Variants in EMC3 observed in about 807,000 individuals in gnomAD.
EMC3 encodes ER membrane protein complex subunit 3.
In EMC3, 13 loss-of-function variants were observed where a neutral mutation model predicts 36.6. The observed-to-expected ratio is 0.35, with a 90% CI of 0.23 to 0.56. The LOEUF (loss-of-function observed/expected upper bound fraction) is 0.56. Among genes scored for constraint, EMC3 ranks in the 20% least tolerant of loss-of-function variants. The pLI, the probability that EMC3 is intolerant of heterozygous loss-of-function variation, is 0.84. For missense variants in EMC3, 220 were observed against 324.5 expected, an observed-to-expected ratio of 0.68 and a Z score of 2.47; for synonymous variants, 120 against 111.9, an observed-to-expected ratio of 1.07 and a Z score of -0.46.
rs1246934929 is a variant in EMC3, at chr3:9,977,517, G to C, written c.156-71C>G. On this transcript the variant is annotated intron_variant, in intron 1 of 7. Coordinates refer to ENST00000245046, the MANE Select transcript of EMC3 (RefSeq NM_001394674.1). ...TAGAAGAAAATGGGAGAGTCAAGTA[G>C]AAGACCTATTTAAACACAAGAGAGG... 5 of 1,411,726 alleles carry C rather than the reference G, an allele frequency of 3.5e-6. No homozygotes were observed. The Admixed American group carries it at 9.6e-5, about 27-fold the overall frequency. 87.4% of individuals were successfully genotyped at this position (1,411,726 alleles called of 1,614,324 possible).
intron 1 of EMC3, chr3:10,007,731 C>A (rs936835898): frequency 2.2e-5 from 23 of 1,049,696 alleles, no homozygotes; most frequent in Non-Finnish European, 2.8e-5. Flanking sequence ...GGTGCAGATG[C>A]CCATCAGCAC....
chr3:10,002,429 C>CA, intron 1 of EMC3, among the ~76,000 whole-genome samples: 1 of 152,192 alleles, frequency 6.6e-6, no homozygotes, highest in African/African-American at 2.4e-5. Context: ...GATGGGACCA[C>CA]AGGCATGCAC....
chr3:9,977,514 G>A (rs960813253), intron 1 of EMC3, 68 bp from the exon 2 acceptor site: 3 of 1,421,820 alleles, frequency 2.1e-6, no homozygotes, highest in African/African-American at 1.4e-5. Context: ...GGAGAGTCAA[G>A]TAGAAGACCT....
intron 1 of EMC3, chr3:10,009,064 C>G (rs1463157216): frequency 1.3e-5 from 2 of 152,554 alleles, no homozygotes; most frequent in African/African-American, 4.8e-5. Context: ...GGATCCTGAG[C>G]TCCCTACTGG....
At chr3:9,983,976 T>G (rs765681394) in intron 1 of EMC3, among the ~76,000 whole-genome samples, 2 of 152,180 alleles carry the variant, frequency 1.3e-5, no homozygotes, top group Non-Finnish European at 2.9e-5. Context: ...TCAGTGCTAA[T>G]GTAAGGCTAA....
upstream of EMC3, among the ~76,000 whole-genome samples, chr3:9,990,062 C>T (rs2086029185): frequency 6.6e-6 from 1 of 151,288 alleles, no homozygotes; most frequent in Non-Finnish European, 1.5e-5. Flanking sequence ...GCTCTGTCAC[C>T]CAGGCTGGAG....
Position 9,976,263 on chromosome 3 carries a change from G to A in EMC3, c.307+694C>T, listed in dbSNP as rs777045361. On this transcript the variant is annotated intron_variant, in intron 3 of 7. Transcript: ENST00000245046. ...TGGGACTACAGGCACCCACCACCAC[G>A]CTAGGCTAATTTTTGTATTTTTAGT... Among the ~76,000 whole-genome samples the A allele has an allele frequency of 3.9e-5, 6 of 152,058 alleles. No individual in the cohort carries two copies. The South Asian group carries it at 1.0e-3, about 26-fold the overall frequency.
At chr3:9,974,966 T>C (rs2085830156) in intron 3 of EMC3, among the ~76,000 whole-genome samples, 1 of 150,142 alleles carries the variant, frequency 6.7e-6, no homozygotes, top group Admixed American at 6.7e-5. Context: ...GTTCAAGTGA[T>C]TCTCTTGCCT....
At chr3:9,970,530 G>A in intron 6 of EMC3, 52 bp downstream of exon 6, 1 of 1,570,898 alleles carries the variant, frequency 6.4e-7, no homozygotes. Flanking sequence ...GCTCTAATAT[G>A]GATGATTCAT....
intron 1 of EMC3, among the ~76,000 whole-genome samples, chr3:9,980,255 C>T (rs2085895666): frequency 6.6e-6 from 1 of 151,982 alleles, no homozygotes; most frequent in South Asian, 2.1e-4. Context: ...ATCAGATGAT[C>T]CGCCTGCCTC....
chr3:9,985,174 A>G (rs549595812), intron 1 of EMC3, among the ~76,000 whole-genome samples: 132 of 152,314 alleles, frequency 8.7e-4, no homozygotes, highest in African/African-American at 3.0e-3. Flanking sequence ...TTTCCCATCT[A>G]TATGATTTTA....
At chr3:10,006,509 TCCC>T (rs1202241566) in intron 1 of EMC3, 1 of 153,892 alleles carries the variant, frequency 6.5e-6, no homozygotes, top group Non-Finnish European at 1.4e-5. Flanking sequence ...AATGAGGAAA[TCCC>T]ACTACTTAGC....
chr3:9,986,817 A>G lies in EMC3; in HGVS notation c.-156T>C, dbSNP rs1166111637. ...ACTGTGAGCCGAGCTTACTGCCTTC[A>G]GCTGGGCTGCCTGGTCTTCCACTTC... is the stretch of plus-strand genomic sequence containing the variant. On this transcript the variant is annotated 5_prime_UTR_variant, in exon 1 of 8. Transcript: ENST00000245046. 3.5e-6 allele frequency: 5 copies of G among 1,421,750 alleles called. No homozygotes were observed. The East Asian group carries it at 7.6e-5, about 22-fold the overall frequency. 88.1% of individuals were successfully genotyped at this position (1,421,750 alleles called of 1,614,324 possible). A position where few individuals can be genotyped will look rare whatever the true frequency, so the allele number is the denominator to read the frequency against.
At chr3:9,981,034 T>G (rs944397753) in intron 1 of EMC3, among the ~76,000 whole-genome samples, 4 of 152,004 alleles carry the variant, frequency 2.6e-5, no homozygotes, top group Non-Finnish European at 5.9e-5. Context: ...GAGACCACTG[T>G]CTCCACAAAA....
intron 7 of EMC3, among the ~76,000 whole-genome samples, chr3:9,966,071 C>T (rs1477908213): frequency 1.3e-5 from 2 of 152,112 alleles, no homozygotes; most frequent in Non-Finnish European, 1.5e-5. Flanking sequence ...TATGTTTTAA[C>T]TGTTTGAGGA....
chr3:9,997,125 C>A (rs1347076852), intron 1 of EMC3, among the ~76,000 whole-genome samples: 1 of 152,262 alleles, frequency 6.6e-6, no homozygotes, highest in East Asian at 1.9e-4. Context: ...TAATCACATT[C>A]TATCTATGGA....
Position 9,977,069 on chromosome 3 carries a change from A to G in EMC3, c.214-19T>C. The G allele has an allele frequency of 6.9e-7, 1 of 1,456,146 alleles. No individual in the cohort carries two copies. The highest frequency in any genetic ancestry group is 9.5e-7 in the Non-Finnish European group (1 of 1,053,528). 90.2% of individuals were successfully genotyped at this position (1,456,146 alleles called of 1,614,324 possible). Reference sequence around the variant, plus strand: ...AGAAAGACTAGTAAAAAAAAAAAAAAGTGTTTTAAGTCTAAGAACTATGAC... The same window carrying G: ...AGAAAGACTAGTAAAAAAAAAAAAAGGTGTTTTAAGTCTAAGAACTATGAC... On this transcript the variant is annotated intron_variant, in intron 2 of 7. Transcript: ENST00000245046.
intron 1 of EMC3, among the ~76,000 whole-genome samples, chr3:9,997,656 C>T (rs1464200596): frequency 1.3e-5 from 2 of 152,014 alleles, no homozygotes; most frequent in Non-Finnish European, 2.9e-5. Context: ...GTTGGGGTTT[C>T]ATCATGTTGG....
In EMC3 at chr3:9,986,657, G is replaced by A; in HGVS notation, c.5C>T (p.Ala2Val). Residue 2 changes from alanine (A) to valine (V), a missense_variant, in exon 1 of 8, where the codon GCA becomes GTA. By Grantham distance (64) the Ala-to-Val change is moderately conservative. Coordinates refer to ENST00000245046, the MANE Select transcript of EMC3 (RefSeq NM_001394674.1). M[A>V]GPELLLDSNI... Reference sequence around the variant, plus strand: ...GGAGTCGAGCAACAGTTCTGGCCCTGCCATCTTCACTGAAAGCTGGTTCCC... The same window carrying A: ...GGAGTCGAGCAACAGTTCTGGCCCTACCATCTTCACTGAAAGCTGGTTCCC... 6.2e-7 allele frequency: 1 copy of A among 1,613,928 alleles called. No homozygotes were observed.
Sources: allele counts gnomAD v4.1 joint callset (sites outside exome capture counted in the v4.1 genomes callset), GRCh38; gene constraint gnomAD v4.1.1; transcripts MANE v1.5; gene names NCBI Gene and HGNC (gene_info 2026-07-23, HGNC 2026-07-21).